ERBB4: variants seen among roughly 807,000 people sequenced by gnomAD.
ERBB4 encodes the protein erb-b2 receptor tyrosine kinase 4.
A neutral mutation model predicts 158.0 loss-of-function variants in ERBB4; 42 were observed. That is an observed-to-expected ratio of 0.27 (90% CI 0.21 to 0.34). The LOEUF (loss-of-function observed/expected upper bound fraction) is 0.34, where lower values mean the gene tolerates loss of function less well. Among genes scored for constraint, ERBB4 ranks in the 10% least tolerant of loss-of-function variants. The probability of loss-of-function intolerance (pLI) is 1.00; values close to 1 mark genes in which losing one functional copy is unlikely to be tolerated. For synonymous variants in ERBB4, 583 were observed against 558.7 expected (o/e 1.04, Z -0.61); for missense variants, 1,333 against 1,624.1 (o/e 0.82, Z 3.08).
chr2:211,562,810 C>A lies in ERBB4; in HGVS notation c.2302-722G>T, dbSNP rs1185173878. On this transcript the variant is annotated intron_variant, in intron 19 of 27. Coordinates refer to ENST00000342788, the MANE Select transcript of ERBB4 (RefSeq NM_005235.3). ...TTTTTGAGACGGAGTCTCGCTCTGT[C>A]GCCCAGGCTGGAGTGCAGTGGCGGG... Among the ~76,000 whole-genome samples, 3 of 121,146 alleles carry A rather than the reference C, an allele frequency of 2.5e-5. No homozygotes were observed. In the East Asian group the frequency reaches 6.4e-4, roughly 26 times the overall value. 79.5% of individuals were successfully genotyped at this position (121,146 alleles called of 152,430 possible).
intron 3 of ERBB4, among the ~76,000 whole-genome samples, chr2:211,828,526 GAAC>G (rs1305584505): frequency 5.9e-5 from 9 of 151,960 alleles, no homozygotes; most frequent in Admixed American, 2.0e-4. Context: ...TTAATCAGGT[GAAC>G]AACAACAGAC....
intron 1 of ERBB4, among the ~76,000 whole-genome samples, chr2:212,500,349 T>A (rs1690819275): frequency 6.6e-6 from 1 of 152,112 alleles, no homozygotes. Context: ...AATTGGCAGT[T>A]TTCTCTAATT....
intron 1 of ERBB4, among the ~76,000 whole-genome samples, chr2:212,422,324 C>T (rs1574889250): frequency 6.6e-6 from 1 of 151,958 alleles, no homozygotes; most frequent in South Asian, 2.1e-4. Flanking sequence ...GGCCAACATG[C>T]TGAAACCCTG....
intron 24 of ERBB4, among the ~76,000 whole-genome samples, 163 bp from the exon 25 acceptor site, chr2:211,420,774 C>T (rs1172965591): frequency 3.3e-5 from 5 of 151,828 alleles, no homozygotes; most frequent in Non-Finnish European, 4.4e-5. Flanking sequence ...ATTAAGAAAC[C>T]TATAACATGC....
At chr2:212,221,985 T>C (rs1166454295) in intron 1 of ERBB4, among the ~76,000 whole-genome samples, 1 of 151,618 alleles carries the variant, frequency 6.6e-6, no homozygotes, top group African/African-American at 2.4e-5. Flanking sequence ...AGTATCCGTA[T>C]GCACAGTGTC....
At chr2:211,462,785 T>G (rs369885471) in intron 20 of ERBB4, among the ~76,000 whole-genome samples, 52 of 152,186 alleles carry the variant, frequency 3.4e-4, no homozygotes, top group East Asian at 2.5e-3. Flanking sequence ...TCTCTACATG[T>G]TTTATTTTAG....
At chr2:211,670,289 G>C (rs1293833522) in intron 14 of ERBB4, among the ~76,000 whole-genome samples, 1 of 152,094 alleles carries the variant, frequency 6.6e-6, no homozygotes, top group East Asian at 1.9e-4. Context: ...GCAATGTTTG[G>C]GCCACTGGTT....
chr2:212,191,961 T>TGC (rs2082259127), intron 1 of ERBB4, among the ~76,000 whole-genome samples: 1 of 130,844 alleles, frequency 7.6e-6, no homozygotes, highest in African/African-American at 3.1e-5. Context: ...ATATATGTTA[T>TGC]ATATGTTATA....
At chr2:212,397,003 A>ATAT (rs1489503190) in intron 1 of ERBB4, among the ~76,000 whole-genome samples, 3 of 152,188 alleles carry the variant, frequency 2.0e-5, no homozygotes, top group Non-Finnish European at 4.4e-5. Flanking sequence ...TAATGACTGT[A>ATAT]TATTAATCAA....
chr2:212,325,437 G>A (rs2087779629), intron 1 of ERBB4, among the ~76,000 whole-genome samples: 1 of 150,694 alleles, frequency 6.6e-6, no homozygotes, highest in East Asian at 1.9e-4. Context: ...AATATAATAA[G>A]AAAGAGAGAT....
chr2:212,090,626 T>C (rs1314305784), intron 2 of ERBB4, among the ~76,000 whole-genome samples: 3 of 152,072 alleles, frequency 2.0e-5, no homozygotes, highest in Non-Finnish European at 4.4e-5. Context: ...CCATCCTAGA[T>C]GCATATTATA....
intron 1 of ERBB4, among the ~76,000 whole-genome samples, chr2:212,313,705 C>T (rs550419839): frequency 6.6e-6 from 1 of 150,956 alleles, no homozygotes; most frequent in Non-Finnish European, 1.5e-5. Flanking sequence ...CCACAAGTCA[C>T]AATTTAGTTT....
At chr2:212,198,733 C>CTTTTTTTTTTTTTTT (rs11448093) in intron 1 of ERBB4, among the ~76,000 whole-genome samples, 4 of 96,426 alleles carry the variant, frequency 4.1e-5, no homozygotes, top group Non-Finnish European at 5.7e-5. Context: ...TCACCACGCC[C>CTTTTTTTTTTTTTTT]TTTTTTTTTT....
At chr2:211,504,566 C>T (rs1485628957) in intron 20 of ERBB4, among the ~76,000 whole-genome samples, 1 of 152,040 alleles carries the variant, frequency 6.6e-6, no homozygotes, top group Non-Finnish European at 1.5e-5. Flanking sequence ...AATGTTGTGA[C>T]ACTCCCAAAG....
chr2:211,401,330 C>G (rs570516816), intron 25 of ERBB4, among the ~76,000 whole-genome samples: 1 of 151,682 alleles, frequency 6.6e-6, no homozygotes, highest in Non-Finnish European at 1.5e-5. Context: ...GTCAATGGAA[C>G]GCAAACATTA....
At chr2:211,674,710 T>C (rs963254522) in intron 13 of ERBB4, among the ~76,000 whole-genome samples, 1 of 152,104 alleles carries the variant, frequency 6.6e-6, no homozygotes, top group African/African-American at 2.4e-5. Flanking sequence ...TGAATTGGTA[T>C]GGGAGGGTAG....
At chr2:212,192,026 A>ATGT (rs2082272421) in intron 1 of ERBB4, among the ~76,000 whole-genome samples, 1 of 18,698 alleles carries the variant, frequency 5.3e-5, no homozygotes, top group Admixed American at 4.3e-4. Context: ...TATATGTTAT[A>ATGT]TATGTTATAT....
intron 1 of ERBB4, among the ~76,000 whole-genome samples, chr2:212,230,745 T>C (rs1486964289): frequency 6.6e-6 from 1 of 152,156 alleles, no homozygotes; most frequent in Admixed American, 6.5e-5. Flanking sequence ...TGCCCATTCA[T>C]CTATCTACTG....
At chr2:211,598,148 C>T (rs571148349) in intron 19 of ERBB4, among the ~76,000 whole-genome samples, 2 of 152,056 alleles carry the variant, frequency 1.3e-5, no homozygotes, top group Admixed American at 6.6e-5. Context: ...CTTTAGACCA[C>T]GCATCTCTCC....
Sources: gnomAD v4.1 joint callset for allele counts (sites outside exome capture counted in the v4.1 genomes callset) on GRCh38, gnomAD v4.1.1 for gene constraint, MANE v1.5 for transcripts, NCBI Gene and HGNC (gene_info 2026-07-23, HGNC 2026-07-21) for gene names.